Variants in FOCAD observed in about 807,000 individuals in gnomAD.
The protein encoded by FOCAD is KIAA1797.
Under a neutral mutation model 225.6 loss-of-function variants are expected in FOCAD, and 198 were observed. The observed-to-expected ratio is 0.88, with a 90% CI of 0.78 to 0.99. FOCAD has a LOEUF of 0.99. FOCAD is among the 50% of genes least tolerant of loss of function. FOCAD has a pLI of 0.00. For synonymous variants in FOCAD, 897 were observed against 755.0 expected, an observed-to-expected ratio of 1.19 and a Z score of -3.08; for missense variants, 2,713 against 2,123.6, an observed-to-expected ratio of 1.28 and a Z score of -5.46.
intron 30 of FOCAD, 128 bp from the exon 31 acceptor site, chr9:20,948,143 A>T (rs2132350039): frequency 1.1e-6 from 1 of 911,764 alleles, no homozygotes; most frequent in Non-Finnish European, 1.5e-6. Flanking sequence ...CTGATTTTTC[A>T]TATGACAAAT....
chr9:20,988,560 T>C (rs1380697101), intron 41 of FOCAD, 131 bp downstream of exon 41: 2 of 359,504 alleles, frequency 5.6e-6, no homozygotes, highest in African/African-American at 2.2e-5. Context: ...CTAAAATATA[T>C]GCTCCCAAAA....
rs756041731 is a variant in FOCAD at position 20,778,656 on chromosome 9, C to A, written c.907-25C>A. On this transcript the variant is annotated intron_variant, in intron 8 of 43. Coordinates refer to ENST00000338382, the MANE Select transcript of FOCAD (RefSeq NM_001375567.1). ...GATTCTGGGAACTTCTTTAACAACTCCTTTTTCCCCCTCTATTCTTTTAGG... is the reference window on the plus strand; with the variant it reads ...GATTCTGGGAACTTCTTTAACAACTACTTTTTCCCCCTCTATTCTTTTAGG... 8 of 1,364,696 alleles carry A rather than the reference C, an allele frequency of 5.9e-6. No individual in the cohort carries two copies. In the South Asian group the frequency reaches 8.3e-5, roughly 14 times the overall value. 84.5% of individuals were successfully genotyped at this position (1,364,696 alleles called of 1,614,324 possible). A position where few individuals can be genotyped will look rare whatever the true frequency, so the allele number is the denominator to read the frequency against.
At chr9:20,725,584 T>C (rs1332868777) in intron 4 of FOCAD, among the ~76,000 whole-genome samples, 1 of 152,208 alleles carries the variant, frequency 6.6e-6, no homozygotes, top group Non-Finnish European at 1.5e-5. Flanking sequence ...GATGTGCCCA[T>C]CTCTTCCAGC....
chr9:20,721,891 C>CCTCCGT (rs1825801233), intron 4 of FOCAD, among the ~76,000 whole-genome samples: 1 of 512 alleles, frequency 2.0e-3, no homozygotes, highest in African/African-American at 9.3e-3. Flanking sequence ...TCCCCTTCCT[C>CCTCCGT]CCCCTCCCCT....
At chr9:20,758,648 G>T (rs947168035) in intron 6 of FOCAD, among the ~76,000 whole-genome samples, 10 of 152,044 alleles carry the variant, frequency 6.6e-5, no homozygotes, top group African/African-American at 2.4e-4. Flanking sequence ...AGTTTACTGA[G>T]AATGATGATT....
At chr9:20,771,168 A>C (rs964404810) in intron 8 of FOCAD, among the ~76,000 whole-genome samples, 6 of 152,178 alleles carry the variant, frequency 3.9e-5, no homozygotes, top group Admixed American at 3.9e-4. Flanking sequence ...GACATGAAAG[A>C]GTAGTCAGGC....
At chr9:20,838,186 G>GT (rs1826178877) in intron 15 of FOCAD, among the ~76,000 whole-genome samples, 1 of 151,986 alleles carries the variant, frequency 6.6e-6, no homozygotes, top group African/African-American at 2.4e-5. Context: ...TGTACTATTA[G>GT]TTGGAGGTCA....
At chr9:20,883,542 G>C (rs1830854309) in intron 20 of FOCAD, among the ~76,000 whole-genome samples, 2 of 152,184 alleles carry the variant, frequency 1.3e-5, no homozygotes, top group African/African-American at 4.8e-5. Flanking sequence ...AAGTCACTTA[G>C]AGTTTGTCCT....
intron 4 of FOCAD, among the ~76,000 whole-genome samples, chr9:20,735,486 G>A (rs1827076139): frequency 1.4e-5 from 2 of 147,258 alleles, no homozygotes; most frequent in Admixed American, 6.9e-5. Context: ...CCTTCCTTCC[G>A]CCTCCCCTCC....
At chr9:20,771,418 G>C (rs973368319) in intron 8 of FOCAD, among the ~76,000 whole-genome samples, 1 of 152,172 alleles carries the variant, frequency 6.6e-6, no homozygotes, top group Admixed American at 6.5e-5. Flanking sequence ...GAAGTGAGGA[G>C]GATGTCTTAG....
intron 1 of FOCAD, among the ~76,000 whole-genome samples, chr9:20,709,423 A>G (rs537150801): frequency 3.9e-5 from 6 of 151,978 alleles, no homozygotes; most frequent in Non-Finnish European, 8.8e-5. Context: ...CTTAATGTAT[A>G]AAATACCCAA....
At chr9:20,724,688 G>T (rs559069656) in intron 4 of FOCAD, among the ~76,000 whole-genome samples, 2 of 151,820 alleles carry the variant, frequency 1.3e-5, no homozygotes, top group Admixed American at 6.6e-5. Flanking sequence ...AGAACTTTGC[G>T]GTGTGTAGTG....
chr9:20,953,405 C>T (rs1452896044), intron 35 of FOCAD, among the ~76,000 whole-genome samples: 1 of 152,168 alleles, frequency 6.6e-6, no homozygotes. Context: ...GAAAATACAC[C>T]TGGGTGCAGT....
chr9:20,785,468 C>G (rs1288115770), intron 10 of FOCAD, among the ~76,000 whole-genome samples: 1 of 152,060 alleles, frequency 6.6e-6, no homozygotes, highest in Admixed American at 6.6e-5. Context: ...ATGGATTTGC[C>G]TATTCTAGAC....
At chr9:20,908,358 T>A (rs1261836563) in intron 22 of FOCAD, among the ~76,000 whole-genome samples, 3 of 151,994 alleles carry the variant, frequency 2.0e-5, no homozygotes, top group Non-Finnish European at 4.4e-5. Context: ...TGGGCAATGG[T>A]GTTCTAATCT....
chr9:20,799,001 C>G (rs929455149), intron 11 of FOCAD, among the ~76,000 whole-genome samples: 1 of 152,174 alleles, frequency 6.6e-6, no homozygotes, highest in African/African-American at 2.4e-5. Context: ...ATAAATTTCC[C>G]TGTACACACT....
At chr9:20,729,158 GA>G (rs1826456747) in intron 4 of FOCAD, among the ~76,000 whole-genome samples, 1 of 152,210 alleles carries the variant, frequency 6.6e-6, no homozygotes. Context: ...TAAGACAACA[GA>G]AATTTATTAT....
At chr9:20,768,672 T>C (rs1005944926) in intron 7 of FOCAD, among the ~76,000 whole-genome samples, 7 of 152,296 alleles carry the variant, frequency 4.6e-5, no homozygotes, top group African/African-American at 1.2e-4. Context: ...AATTTTAAAA[T>C]ACAAGCTTTA....
At chr9:20,963,547 T>G (rs184663543) in intron 35 of FOCAD, among the ~76,000 whole-genome samples, 2 of 152,322 alleles carry the variant, frequency 1.3e-5, no homozygotes, top group African/African-American at 4.8e-5. Context: ...TCTGAGAGTT[T>G]TCTAAGTAGA....
Sources: gnomAD v4.1 joint callset for allele counts (sites outside exome capture counted in the v4.1 genomes callset) on GRCh38, gnomAD v4.1.1 for gene constraint, MANE v1.5 for transcripts, NCBI Gene and HGNC (gene_info 2026-07-23, HGNC 2026-07-21) for gene names.